The following LRRC7 variants were observed in gnomAD, a reference collection of about 807,000 sequenced individuals.
LRRC7 encodes leucine-rich repeat-containing protein 7.
In LRRC7, 23 loss-of-function variants were observed where a neutral mutation model predicts 175.7. The observed-to-expected ratio is 0.13, with a 90% CI of 0.09 to 0.19. The LOEUF is 0.19. Ranked by LOEUF, LRRC7 falls within the 10% of genes least tolerant of loss-of-function variation. The pLI, the probability that LRRC7 is intolerant of heterozygous loss-of-function variation, is 1.00. For synonymous variants in LRRC7, 685 were observed against 680.9 expected, an observed-to-expected ratio of 1.01 and a Z score of -0.09; for missense variants, 1,354 against 1,904.7, an observed-to-expected ratio of 0.71 and a Z score of 5.38.
intron 22 of LRRC7, among the ~76,000 whole-genome samples, chr1:70,048,084 G>T (rs1660474120): frequency 6.6e-6 from 1 of 151,798 alleles, no homozygotes. Context: ...TGCTTCTTTG[G>T]ATGTGTTTTA....
intron 1 of LRRC7, among the ~76,000 whole-genome samples, chr1:69,632,942 T>A (rs1436899011): frequency 6.6e-6 from 1 of 152,092 alleles, no homozygotes; most frequent in East Asian, 1.9e-4. Context: ...AATTGAAAGT[T>A]TTTTCTTTCC....
intron 7 of LRRC7, among the ~76,000 whole-genome samples, chr1:69,857,226 C>G (rs1204266667): frequency 1.3e-5 from 2 of 152,162 alleles, no homozygotes; most frequent in Non-Finnish European, 1.5e-5. Context: ...CCCTCTCTCA[C>G]CACTCCTATT....
At chr1:69,909,345 A>C (rs1222788723) in intron 7 of LRRC7, among the ~76,000 whole-genome samples, 1 of 152,060 alleles carries the variant, frequency 6.6e-6, no homozygotes, top group African/African-American at 2.4e-5. Flanking sequence ...TCGTTAGTTG[A>C]TGCAGTTTTC....
intron 2 of LRRC7, among the ~76,000 whole-genome samples, chr1:69,710,093 C>G (rs900683007): frequency 6.6e-6 from 1 of 151,728 alleles, no homozygotes; most frequent in African/African-American, 2.4e-5. Context: ...CTGGCTAACA[C>G]AGTGAAACCC....
chr1:70,043,299 A>T (rs1384458691), intron 21 of LRRC7, among the ~76,000 whole-genome samples: 3 of 152,162 alleles, frequency 2.0e-5, no homozygotes, highest in African/African-American at 7.2e-5. Flanking sequence ...TTAAAATATA[A>T]TTTTTAAGAA....
At chr1:69,879,547 G>A (rs992451358) in intron 7 of LRRC7, 1 of 152,334 alleles carries the variant, frequency 6.6e-6, no homozygotes, top group African/African-American at 2.4e-5. Context: ...GCCTCGGTAG[G>A]AATGAGAGAT....
intron 1 of LRRC7, among the ~76,000 whole-genome samples, chr1:69,649,910 C>T (rs951256424): frequency 3.3e-5 from 5 of 151,450 alleles, no homozygotes; most frequent in Admixed American, 3.3e-4. Context: ...ATGACAGTCG[C>T]ATAAGGATTA....
At chr1:69,838,094 C>T (rs996299357) in intron 6 of LRRC7, 133 bp from the exon 7 acceptor site, 20 of 563,674 alleles carry the variant, frequency 3.5e-5, no homozygotes, top group Non-Finnish European at 6.3e-5. Flanking sequence ...TCCAATTCTA[C>T]TTTTTTAGTT....
At chr1:69,580,848 A>G (rs1379854032) in intron 1 of LRRC7, among the ~76,000 whole-genome samples, 1 of 152,232 alleles carries the variant, frequency 6.6e-6, no homozygotes, top group Non-Finnish European at 1.5e-5. Context: ...AAGAAGAAAA[A>G]GACCAAGGTA....
chr1:69,637,282 G>T (rs1653538690), intron 1 of LRRC7, among the ~76,000 whole-genome samples: 1 of 151,832 alleles, frequency 6.6e-6, no homozygotes, highest in Non-Finnish European at 1.5e-5. Context: ...CTTTGAGTTT[G>T]TTTCACGTCA....
chr1:69,909,679 C>A (rs1448560251), intron 7 of LRRC7, among the ~76,000 whole-genome samples: 2 of 151,984 alleles, frequency 1.3e-5, no homozygotes, highest in Non-Finnish European at 2.9e-5. Context: ...GGTAACCCGA[C>A]CTTTCTCTCT....
intron 2 of LRRC7, among the ~76,000 whole-genome samples, chr1:69,707,545 C>T (rs1321184659): frequency 6.6e-6 from 1 of 152,110 alleles, no homozygotes; most frequent in Non-Finnish European, 1.5e-5. Context: ...TATTTATTCT[C>T]AACTCTGTCT....
intron 3 of LRRC7, among the ~76,000 whole-genome samples, chr1:69,786,173 T>A (rs547016349): frequency 2.6e-4 from 39 of 152,276 alleles, no homozygotes; most frequent in African/African-American, 8.9e-4. Context: ...AGGAGACTTG[T>A]ATGCTTCTAC....
chr1:69,887,658 T>C (rs1379630456), intron 7 of LRRC7, among the ~76,000 whole-genome samples: 1 of 152,276 alleles, frequency 6.6e-6, no homozygotes, highest in African/African-American at 2.4e-5. Context: ...CCGTTGCTGG[T>C]GAGGAACTGC....
At chr1:69,786,196 G>A (rs1674392915) in intron 3 of LRRC7, among the ~76,000 whole-genome samples, 1 of 152,044 alleles carries the variant, frequency 6.6e-6, no homozygotes, top group Non-Finnish European at 1.5e-5. Flanking sequence ...GGCACTTGGG[G>A]CAATACTAAC....
intron 1 of LRRC7, among the ~76,000 whole-genome samples, chr1:69,640,710 A>G (rs1654076135): frequency 6.6e-6 from 1 of 151,402 alleles, no homozygotes; most frequent in African/African-American, 2.4e-5. Flanking sequence ...TGAGAAATGA[A>G]TCACAAATAG....
chr1:70,008,191 T>C (rs934366447), intron 11 of LRRC7, among the ~76,000 whole-genome samples: 1 of 152,158 alleles, frequency 6.6e-6, no homozygotes, highest in Non-Finnish European at 1.5e-5. Context: ...AGATGTAGGC[T>C]GGGGGGCTAG....
At chr1:69,834,717 T>G in intron 5 of LRRC7, 63 bp from the exon 6 acceptor site, 2 of 1,014,660 alleles carry the variant, frequency 2.0e-6, no homozygotes, top group African/African-American at 2.0e-5. Context: ...GAGATACATA[T>G]TTTTTTTGTT....
chr1:69,914,038 CTTT>C (rs1646613282), intron 7 of LRRC7, among the ~76,000 whole-genome samples: 1 of 152,062 alleles, frequency 6.6e-6, no homozygotes, highest in African/African-American at 2.4e-5. Context: ...TGAAAAAATT[CTTT>C]TTTTAAGTGT....
Sources: allele counts gnomAD v4.1 joint callset (sites outside exome capture counted in the v4.1 genomes callset), GRCh38; gene constraint gnomAD v4.1.1; transcripts MANE v1.5; gene names NCBI Gene and HGNC (gene_info 2026-07-23, HGNC 2026-07-21).